CEP120: variants seen among roughly 807,000 people sequenced by gnomAD.
The protein encoded by CEP120 is centrosomal protein 120.
Under a neutral mutation model 126.5 loss-of-function variants are expected in CEP120, and 113 were observed. The observed-to-expected ratio is 0.89, with a 90% CI of 0.77 to 1.04. The LOEUF (loss-of-function observed/expected upper bound fraction) is 1.04, where lower values mean the gene tolerates loss of function less well. CEP120 is among the 50% of genes least tolerant of loss of function. The pLI is 0.00. For missense variants in CEP120, 1,230 were observed against 1,155.7 expected (o/e 1.06, Z -0.93); for synonymous variants, 400 against 394.3 (o/e 1.01, Z -0.17).
chr5:123,350,360 G>C (rs945501406), intron 18 of CEP120, among the ~76,000 whole-genome samples: 2 of 152,068 alleles, frequency 1.3e-5, no homozygotes, highest in African/African-American at 4.8e-5. Context: ...GAGTATCTGG[G>C]CCCAAGGTGT....
intron 4 of CEP120, chr5:123,402,206 A>G: frequency 3.9e-6 from 6 of 1,556,366 alleles, no homozygotes; most frequent in South Asian, 1.1e-5. Flanking sequence ...GGCCACCCCG[A>G]AAGCAGCTGC....
intron 4 of CEP120, chr5:123,402,427 T>G (rs1773320656): frequency 8.9e-7 from 1 of 1,120,090 alleles, no homozygotes; most frequent in East Asian, 2.8e-5. Flanking sequence ...GTCTGTTTTT[T>G]GTTTTTTATT....
At chr5:123,413,854 G>T (rs1303402835) in intron 3 of CEP120, among the ~76,000 whole-genome samples, 1 of 152,082 alleles carries the variant, frequency 6.6e-6, no homozygotes, top group Non-Finnish European at 1.5e-5. Flanking sequence ...CTGAAAGAAA[G>T]ATTTCCAGCT....
chr5:123,419,531 C>CA lies in CEP120; in HGVS notation c.50-1017dup, dbSNP rs1388202596. 1.7e-4 allele frequency among the ~76,000 whole-genome samples: 14 copies of CA among 80,904 alleles called. 1 individual carries two copies. Among genetic ancestry groups the CA allele is most frequent in the East Asian group, 7.3e-4 (2 of 2,740 alleles). The allele number at this position is 80,904 out of a possible 152,430, so 53.1% of individuals were successfully genotyped here. On this transcript the variant is annotated intron_variant, in intron 1 of 19. Coordinates refer to ENST00000306467, the MANE Select transcript of CEP120 (RefSeq NM_001375405.1). ...TGGGCAACAGAGCAAGACTCCATCTCAAAAAAAAACAAAAACAAAAACAAA... is the reference window on the plus strand; with the variant it reads ...TGGGCAACAGAGCAAGACTCCATCTCAAAAAAAAAACAAAAACAAAAACAAA...
chr5:123,410,245 T>C (rs544412829), intron 4 of CEP120, among the ~76,000 whole-genome samples: 29 of 152,320 alleles, frequency 1.9e-4, no homozygotes, highest in South Asian at 6.2e-4. Flanking sequence ...GAAGACTCAA[T>C]ATTGGCAAGA....
At chr5:123,399,614 C>G (rs931461903) in intron 4 of CEP120, among the ~76,000 whole-genome samples, 1 of 152,036 alleles carries the variant, frequency 6.6e-6, no homozygotes, top group Non-Finnish European at 1.5e-5. Flanking sequence ...AAAAGGGCAG[C>G]TGAACAGGGA....
At chr5:123,386,115 T>C (rs1772003767) in intron 10 of CEP120, among the ~76,000 whole-genome samples, 1 of 152,172 alleles carries the variant, frequency 6.6e-6, no homozygotes, top group South Asian at 2.1e-4. Context: ...TCTCTAGTTA[T>C]AGGTTTAAAA....
At chr5:123,355,548 AT>A (rs1769535082) in intron 18 of CEP120, among the ~76,000 whole-genome samples, 1 of 152,024 alleles carries the variant, frequency 6.6e-6, no homozygotes, top group South Asian at 2.1e-4. Context: ...GATGATGAGC[AT>A]TTTTTCATGT....
At chr5:123,422,851 A>G in intron 1 of CEP120, 99 bp downstream of exon 1, 1 of 1,123,506 alleles carries the variant, frequency 8.9e-7, no homozygotes. Context: ...ACAAAAGCAC[A>G]GATGACAGGG....
At chr5:123,356,512 T>C (rs1769635595) in intron 18 of CEP120, among the ~76,000 whole-genome samples, 1 of 152,132 alleles carries the variant, frequency 6.6e-6, no homozygotes, top group Admixed American at 6.6e-5. Context: ...TTTGGTCCAC[T>C]TAAAGCATTT....
rs1562047830 is a variant in CEP120, at chr5:123,386,675, T to TAAAA, written c.1431-9_1431-8insTTTT. ...AAGAATGGATATGAGTACCTAGAAT[T>TAAAA]TAAAAAAAAAAAAAAAAAAAAAAGC... On this transcript the variant is annotated splice_polypyrimidine_tract_variant and intron_variant, in intron 9 of 19. Coordinates refer to ENST00000306467, the MANE Select transcript of CEP120 (RefSeq NM_001375405.1). 26 of 688,936 alleles carry TAAAA rather than the reference T, an allele frequency of 3.8e-5. 1 individual carries two copies. Among genetic ancestry groups the TAAAA allele is most frequent in the African/African-American group, 1.1e-4 (3 of 27,980 alleles). The allele number at this position is 688,936 out of a possible 1,614,324, so 42.7% of individuals were successfully genotyped here. A position where few individuals can be genotyped will look rare whatever the true frequency, so the allele number is the denominator to read the frequency against.
chr5:123,400,704 CAAA>C (rs35093126), intron 4 of CEP120, among the ~76,000 whole-genome samples: 16 of 93,772 alleles, frequency 1.7e-4, no homozygotes, highest in Non-Finnish European at 2.6e-4. Flanking sequence ...TATTTTGGAC[CAAA>C]AAAAAAAAAA....
intron 14 of CEP120, among the ~76,000 whole-genome samples, chr5:123,379,046 T>C (rs1053147182): frequency 5.9e-5 from 9 of 151,330 alleles, no homozygotes; most frequent in Non-Finnish European, 1.0e-4. Flanking sequence ...AAAAAAAAAA[T>C]ATAGTCAAAG....
intron 18 of CEP120, among the ~76,000 whole-genome samples, chr5:123,355,957 A>G (rs1333851695): frequency 7.3e-5 from 11 of 151,602 alleles, no homozygotes; most frequent in Non-Finnish European, 1.6e-4. Flanking sequence ...TTTTTGTATA[A>G]GGTGTAAGGA....
At chr5:123,422,680 C>T in intron 1 of CEP120, 1 of 826,796 alleles carries the variant, frequency 1.2e-6, no homozygotes, top group Non-Finnish European at 1.9e-6. Context: ...CATCGACGTG[C>T]TGCTTTGGAT....
intron 11 of CEP120, 68 bp from the exon 12 acceptor site, chr5:123,383,150 C>T (rs1170297627): frequency 1.0e-6 from 1 of 964,988 alleles, no homozygotes; most frequent in East Asian, 2.7e-5. Flanking sequence ...CTTTTATTTC[C>T]CCAGTGCTTT....
rs766678887 is a variant in CEP120, at chr5:123,346,630, T to C, written c.2850A>G (p.Glu950=). 1 of 1,614,026 alleles carries C rather than the reference T, an allele frequency of 6.2e-7. No homozygotes were observed. The highest frequency in any genetic ancestry group is 1.1e-5 in the South Asian group (1 of 91,070). The change falls in exon 20 of 20, where the codon GAA becomes GAG. Residue 950 remains glutamate (E), a synonymous_variant. Transcript: ENST00000306467. ...GLDDYLTRLI[E]ERDTLMRTGV... ...CCGTTCTCATCAAAGTATCCCTTTC[T>C]TCTATCAGGCGAGTCAAATAATCAT...
intron 18 of CEP120, among the ~76,000 whole-genome samples, chr5:123,353,520 G>GGAA (rs1769351618): frequency 3.0e-5 from 2 of 67,692 alleles, no homozygotes; most frequent in Middle Eastern, 8.3e-3. Context: ...TAAAAAAAAA[G>GGAA]TAAGCATTTT....
chr5:123,392,827 G>A (rs1461888851), intron 6 of CEP120, among the ~76,000 whole-genome samples: 1 of 152,076 alleles, frequency 6.6e-6, no homozygotes, highest in Non-Finnish European at 1.5e-5. Context: ...GCTTTTAAAT[G>A]GAGTCCAATT....
Sources: gnomAD v4.1 joint callset for allele counts (sites outside exome capture counted in the v4.1 genomes callset) on GRCh38, gnomAD v4.1.1 for gene constraint, MANE v1.5 for transcripts, NCBI Gene and HGNC (gene_info 2026-07-23, HGNC 2026-07-21) for gene names.